Variants in NAALADL2 observed in about 807,000 individuals in gnomAD.
NAALADL2 encodes inactive N-acetylated-alpha-linked acidic dipeptidase-like protein 2.
Under a neutral mutation model 87.2 loss-of-function variants are expected in NAALADL2, and 76 were observed. The observed-to-expected ratio is 0.87, with a 90% CI of 0.72 to 1.05. The LOEUF (loss-of-function observed/expected upper bound fraction) is 1.05. Ranked by LOEUF, NAALADL2 falls within the 50% of genes least tolerant of loss-of-function variation. The probability of loss-of-function intolerance (pLI) is 0.00; values close to 1 mark genes in which losing one functional copy is unlikely to be tolerated. For missense variants in NAALADL2, 1,089 were observed against 945.8 expected (o/e 1.15, Z -1.99); for synonymous variants, 354 against 331.0 (o/e 1.07, Z -0.75).
At chr3:174,694,526 C>T (rs1272826772) in intron 2 of NAALADL2, among the ~76,000 whole-genome samples, 1 of 152,016 alleles carries the variant, frequency 6.6e-6, no homozygotes, top group African/African-American at 2.4e-5. Flanking sequence ...AAAGGCTTCA[C>T]TTTGAGGGCA....
At chr3:175,683,351 A>C (rs113419215) in intron 11 of NAALADL2, among the ~76,000 whole-genome samples, 1 of 151,936 alleles carries the variant, frequency 6.6e-6, no homozygotes, top group Non-Finnish European at 1.5e-5. Flanking sequence ...TAACTTAAAG[A>C]TTCAGTTTAA....
chr3:175,103,792 C>G (rs1016135384), intron 2 of NAALADL2, among the ~76,000 whole-genome samples: 1 of 152,154 alleles, frequency 6.6e-6, no homozygotes, highest in African/African-American at 2.4e-5. Flanking sequence ...CTTATGACCA[C>G]TCTGTAATGC....
chr3:175,799,361 C>T (rs967956630), intron 13 of NAALADL2, among the ~76,000 whole-genome samples: 1 of 151,880 alleles, frequency 6.6e-6, no homozygotes, highest in African/African-American at 2.4e-5. Context: ...TATTTTTAAT[C>T]CATTTTTATC....
intron 2 of NAALADL2, among the ~76,000 whole-genome samples, chr3:174,634,518 T>C (rs1043655262): frequency 6.6e-6 from 1 of 152,140 alleles, no homozygotes; most frequent in African/African-American, 2.4e-5. Context: ...GACTATTGAA[T>C]ATACCCTACT....
intron 1 of NAALADL2, among the ~76,000 whole-genome samples, chr3:175,055,703 G>A (rs113554655): frequency 0.18 from 27,427 of 152,070 alleles, 3,307 homozygotes; most frequent in African/African-American, 0.34. Context: ...CAGGCTCAGC[G>A]GTTTTCTATT....
At chr3:174,656,050 T>TA (rs1384240952) in intron 2 of NAALADL2, among the ~76,000 whole-genome samples, 2 of 152,224 alleles carry the variant, frequency 1.3e-5, no homozygotes, top group Non-Finnish European at 2.9e-5. Context: ...AAATGTCTTC[T>TA]AAAATATTAT....
chr3:175,316,879 A>C (rs561463037), intron 4 of NAALADL2, among the ~76,000 whole-genome samples: 1 of 152,220 alleles, frequency 6.6e-6, no homozygotes, highest in South Asian at 2.1e-4. Flanking sequence ...AAAAATAGAT[A>C]ATTTCTGAAA....
Position 174,621,106 on chromosome 3 carries a change from G to C in NAALADL2, c.-115+70469G>C, listed in dbSNP as rs190738494. Among the ~76,000 whole-genome samples, 652 of 152,054 alleles carry C rather than the reference G, an allele frequency of 4.3e-3. 5 individuals carry two copies. The highest frequency in any genetic ancestry group is 0.024 in the Middle Eastern group (7 of 292). On this transcript the variant is annotated intron_variant, in intron 2 of 3. Coordinates refer to the NAALADL2 transcript ENST00000434257. ...CATAGAAAAATAACTGTAAATCTGA[G>C]GGAGAGATGTATTTGACAGTCTAAC... is the stretch of plus-strand genomic sequence containing the variant.
chr3:175,006,034 T>G (rs565909253), intron 1 of NAALADL2, among the ~76,000 whole-genome samples: 10 of 152,326 alleles, frequency 6.6e-5, no homozygotes, highest in African/African-American at 2.4e-4. Context: ...ATACCTCCTA[T>G]TGAACTGAAA....
chr3:175,155,749 C>A (rs1174245714), intron 2 of NAALADL2, among the ~76,000 whole-genome samples: 2 of 152,112 alleles, frequency 1.3e-5, no homozygotes, highest in East Asian at 3.9e-4. Flanking sequence ...GCATTGGAAT[C>A]ATCTCAGAGG....
intron 5 of NAALADL2, among the ~76,000 whole-genome samples, chr3:175,433,554 T>C (rs1053628898): frequency 6.6e-6 from 1 of 152,036 alleles, no homozygotes; most frequent in African/African-American, 2.4e-5. Context: ...AGCACAGCCA[T>C]GTCTCTAACT....
chr3:175,077,646 T>A (rs975720628), intron 1 of NAALADL2, among the ~76,000 whole-genome samples: 1 of 152,206 alleles, frequency 6.6e-6, no homozygotes, highest in African/African-American at 2.4e-5. Context: ...CAATGCTATT[T>A]ATATAGTAAT....
intron 9 of NAALADL2, among the ~76,000 whole-genome samples, chr3:175,495,894 C>T (rs1728747527): frequency 6.6e-6 from 1 of 152,028 alleles, no homozygotes; most frequent in Non-Finnish European, 1.5e-5. Context: ...AACATTTCAT[C>T]CAGTGTGCTA....
intron 9 of NAALADL2, among the ~76,000 whole-genome samples, chr3:175,516,040 A>T (rs1731788864): frequency 6.6e-6 from 1 of 152,246 alleles, no homozygotes; most frequent in South Asian, 2.1e-4. Context: ...ATGACAGACA[A>T]TACTCATAAT....
chr3:174,971,697 G>GTGTGTT (rs1251570101), intron 1 of NAALADL2, among the ~76,000 whole-genome samples: 2 of 151,270 alleles, frequency 1.3e-5, no homozygotes, highest in Admixed American at 6.6e-5. Flanking sequence ...GTGTGTGTGT[G>GTGTGTT]TGTGTTTAGT....
At chr3:175,371,243 CA>C (rs1766442195) in intron 5 of NAALADL2, among the ~76,000 whole-genome samples, 1 of 152,042 alleles carries the variant, frequency 6.6e-6, no homozygotes, top group South Asian at 2.1e-4. Context: ...AAGAGACTAT[CA>C]ACTAATATTA....
chr3:174,591,322 G>A (rs149412793), intron 2 of NAALADL2, among the ~76,000 whole-genome samples: 1 of 152,240 alleles, frequency 6.6e-6, no homozygotes, highest in East Asian at 1.9e-4. Flanking sequence ...TGGACAAATA[G>A]AAAAGAACGG....
At chr3:174,941,899 T>C (rs1453796841) in intron 1 of NAALADL2, among the ~76,000 whole-genome samples, 1 of 152,114 alleles carries the variant, frequency 6.6e-6, no homozygotes, top group African/African-American at 2.4e-5. Flanking sequence ...GGTGTCATCA[T>C]GTGTGAGATG....
At chr3:174,927,386 T>C (rs563634957) in intron 1 of NAALADL2, among the ~76,000 whole-genome samples, 4 of 152,086 alleles carry the variant, frequency 2.6e-5, no homozygotes, top group Non-Finnish European at 5.9e-5. Flanking sequence ...ACTCTCCACC[T>C]CAAATCAACA....
Sources: allele counts gnomAD v4.1 joint callset (sites outside exome capture counted in the v4.1 genomes callset), GRCh38; gene constraint gnomAD v4.1.1; transcripts MANE v1.5; gene names NCBI Gene and HGNC (gene_info 2026-07-23, HGNC 2026-07-21).